The following PCDHA10 variants were observed in gnomAD, a reference collection of about 807,000 sequenced individuals.
PCDHA10 encodes the protein protocadherin alpha-10.
PCDHA10 carries 45 observed loss-of-function variants against 61.2 expected under a neutral mutation model. That is an observed-to-expected ratio of 0.74 (90% CI 0.58 to 0.94). The LOEUF (loss-of-function observed/expected upper bound fraction) is 0.94. PCDHA10 is among the 40% of genes least tolerant of loss of function. The pLI, the probability that PCDHA10 is intolerant of heterozygous loss-of-function variation, is 0.00. For synonymous variants in PCDHA10, 602 were observed against 548.8 expected (o/e 1.10, Z -1.35); for missense variants, 1,278 against 1,236.2 (o/e 1.03, Z -0.51).
Position 140,857,488 on chromosome 5 carries a change from C to G in PCDHA10, c.1440C>G (p.Asp480Glu), listed in dbSNP as rs782255025. ...ACATCTTCACGGTGTCTGCGTGGGA[C>G]GCGGACGCGCAGGAGAACGCCCTGG... is the stretch of plus-strand genomic sequence containing the variant. ...GCHIFTVSAW[D>E]ADAQENALVS... The change falls in exon 1 of 4, where the codon GAC becomes GAG. Residue 480 changes from aspartate to glutamate, a missense_variant. By Grantham distance (45) the Asp-to-Glu change is conservative. Transcript: ENST00000307360. The G allele has an allele frequency of 1.3e-6, 2 of 1,598,442 alleles. No homozygotes were observed. The highest frequency in any genetic ancestry group is 2.2e-5 in the South Asian group (2 of 90,540).
In PCDHA10 at chr5:141,003,833, A is replaced by G. The variant is rs1215772990; in HGVS notation, c.2537-5794A>G. On this transcript the variant is annotated intron_variant, in intron 3 of 3. Transcript: ENST00000307360. ...AGTCTGGGAAGGGCTCTGCCTAACG[A>G]TTCAGACCCCTACCAGATTTATATG... is the stretch of plus-strand genomic sequence containing the variant. 2.6e-5 allele frequency among the ~76,000 whole-genome samples: 4 copies of G among 152,176 alleles called. No individual in the cohort carries two copies. In the East Asian group the frequency reaches 7.7e-4, roughly 29 times the overall value.
intron 1 of PCDHA10, among the ~76,000 whole-genome samples, chr5:140,932,553 C>T (rs1288415511): frequency 6.6e-6 from 1 of 151,798 alleles, no homozygotes; most frequent in African/African-American, 2.4e-5. Context: ...AACATACATT[C>T]CACAAGTAGA....
chr5:140,882,164 C>T (rs2058984922), intron 1 of PCDHA10: 2 of 1,509,832 alleles, frequency 1.3e-6, no homozygotes. Flanking sequence ...ATACCTCTTG[C>T]GAATCCTTCC....
chr5:140,870,356 G>C lies in PCDHA10; in HGVS notation c.2388+11920G>C, dbSNP rs17119218. On this transcript the variant is annotated intron_variant, in intron 1 of 3. Coordinates refer to ENST00000307360, the MANE Select transcript of PCDHA10 (RefSeq NM_018901.4). ...AGCGCCCTGGACCGCGAGAACGTGT[G>C]GGCCTATGAACTGGTGGTGACTGCG... 1,853 of 1,614,212 alleles carry C rather than the reference G, an allele frequency of 1.1e-3. 14 individuals are homozygous for C. In the African/African-American group the frequency reaches 0.018, roughly 16 times the overall value.
intron 1 of PCDHA10, among the ~76,000 whole-genome samples, chr5:140,911,895 T>C (rs1289494210): frequency 1.3e-5 from 2 of 152,184 alleles, no homozygotes; most frequent in East Asian, 3.8e-4. Flanking sequence ...AAAATCTGTA[T>C]TAGTCAGAGC....
chr5:140,960,519 G>C (rs188949970), intron 1 of PCDHA10, among the ~76,000 whole-genome samples: 19 of 152,198 alleles, frequency 1.2e-4, no homozygotes, highest in Admixed American at 1.2e-3. Context: ...AACATAATGG[G>C]TATAGGAAAG....
At chr5:140,927,054 C>CT in intron 1 of PCDHA10, 1 of 1,611,076 alleles carries the variant, frequency 6.2e-7, no homozygotes, top group African/African-American at 1.3e-5. Context: ...CCTCGCGGAA[C>CT]TTTCGCTTCC....
At chr5:140,862,584 G>A (rs2047434517) in intron 1 of PCDHA10, 1 of 495,742 alleles carries the variant, frequency 2.0e-6, no homozygotes, top group South Asian at 1.6e-5. Context: ...CGTTCCAGCA[G>A]CCCGAGTACA....
Position 140,982,566 on chromosome 5 carries a change from A to G in PCDHA10, c.2536+3A>G, listed in dbSNP as rs372784858. On this transcript the variant is annotated splice_donor_region_variant and intron_variant, in intron 3 of 3. Transcript: ENST00000307360. ...AACAGTATCCAGTGCAACACCAGGT[A>G]AAGAGCTGGGGTCTCTCCATTCTTT... 8 of 1,613,970 alleles carry G rather than the reference A, an allele frequency of 5.0e-6. No individual in the cohort carries two copies. The highest frequency in any genetic ancestry group is 6.8e-6 in the Non-Finnish European group (8 of 1,179,958).
At chr5:140,920,069 G>C (rs527472900) in intron 1 of PCDHA10, among the ~76,000 whole-genome samples, 1 of 152,288 alleles carries the variant, frequency 6.6e-6, no homozygotes, top group Non-Finnish European at 1.5e-5. Context: ...GGAAAAGGCA[G>C]AAACAGATTC....
Position 141,000,690 on chromosome 5 carries a change from A to G in PCDHA10, c.2537-8937A>G, listed in dbSNP as rs550187550. On this transcript the variant is annotated intron_variant, in intron 3 of 3. Transcript: ENST00000307360. The stretch of plus-strand genomic sequence containing the variant: ...TGATCCACCTGCCTCTGCCTCCCAA[A>G]GTGCTGGGATTACAGGCATGAGCCA... 4.2e-3 allele frequency among the ~76,000 whole-genome samples: 638 copies of G among 151,554 alleles called. 1 individual carries two copies. The highest frequency in any genetic ancestry group is 7.2e-3 in the Non-Finnish European group (489 of 67,874).
At chr5:140,991,988 C>T (rs1167776981) in intron 3 of PCDHA10, among the ~76,000 whole-genome samples, 1 of 151,478 alleles carries the variant, frequency 6.6e-6, no homozygotes, top group Non-Finnish European at 1.5e-5. Flanking sequence ...GCCTACCACC[C>T]GGTCTTTCAT....
chr5:140,990,379 G>C (rs1554251452), intron 3 of PCDHA10, among the ~76,000 whole-genome samples: 3 of 152,092 alleles, frequency 2.0e-5, no homozygotes. Context: ...CAAATTTGTT[G>C]GTGATGTTCC....
chr5:140,988,623 T>C (rs147544785), intron 3 of PCDHA10, among the ~76,000 whole-genome samples: 188 of 152,312 alleles, frequency 1.2e-3, no homozygotes, highest in African/African-American at 3.6e-3. Context: ...AGAATGGAGA[T>C]GTCCTGGTTT....
intron 3 of PCDHA10, among the ~76,000 whole-genome samples, chr5:141,007,925 G>T (rs2098351885): frequency 1.3e-5 from 2 of 152,138 alleles, no homozygotes; most frequent in South Asian, 4.2e-4. Context: ...ATATAAGCTG[G>T]AATTCTAAGC....
At chr5:140,876,673 T>C (rs1554168774) in intron 1 of PCDHA10, 1 of 1,614,206 alleles carries the variant, frequency 6.2e-7, no homozygotes, top group Non-Finnish European at 8.5e-7. Flanking sequence ...GGTGTCCACC[T>C]ACAAGAATTA....
At position 140,882,980 on chromosome 5, in the gene PCDHA10, A is replaced by T. The variant is rs782593392; in HGVS notation, c.2388+24544A>T. On this transcript the variant is annotated intron_variant, in intron 1 of 3. Coordinates refer to ENST00000307360, the MANE Select transcript of PCDHA10 (RefSeq NM_018901.4). ...CATCACGATTCTGGACGTGAATGAC[A>T]ACGCCCCGGAATTTTACCAATCCGT... 34 of 1,614,072 alleles carry T rather than the reference A, an allele frequency of 2.1e-5. No homozygotes were observed. Among genetic ancestry groups the T allele is most frequent in the African/African-American group, 2.7e-5 (2 of 74,926 alleles).
intron 1 of PCDHA10, among the ~76,000 whole-genome samples, chr5:140,962,051 T>C (rs1352018533): frequency 2.0e-5 from 3 of 151,838 alleles, no homozygotes; most frequent in Admixed American, 6.6e-5. Context: ...GCCTGGCTAA[T>C]TTTTTTGTAT....
chr5:140,942,629 A>C (rs1401408646), intron 1 of PCDHA10, among the ~76,000 whole-genome samples: 1 of 152,076 alleles, frequency 6.6e-6, no homozygotes, highest in Non-Finnish European at 1.5e-5. Flanking sequence ...TAAAAAAAAA[A>C]ATGGCAAAAG....
Sources: gnomAD v4.1 joint callset for allele counts (sites outside exome capture counted in the v4.1 genomes callset) on GRCh38, gnomAD v4.1.1 for gene constraint, MANE v1.5 for transcripts, NCBI Gene and HGNC (gene_info 2026-07-23, HGNC 2026-07-21) for gene names.